MFF: variants seen among roughly 807,000 people sequenced by gnomAD.
MFF encodes the protein chromosome 2 open reading frame 33.
Under a neutral mutation model 36.9 loss-of-function variants are expected in MFF, and 12 were observed. The ratio of observed to expected loss-of-function variants is 0.33; its 90% CI spans 0.21 to 0.53. MFF has a LOEUF of 0.53. MFF is among the 20% of genes least tolerant of loss of function. The pLI is 0.95. For missense variants in MFF, 348 were observed against 366.6 expected (o/e 0.95, Z 0.42); for synonymous variants, 99 against 126.2 (o/e 0.78, Z 1.44).
intron 2 of MFF, 77 bp from the exon 3 acceptor site, chr2:227,330,549 A>G (rs1162401157): frequency 6.5e-6 from 6 of 926,364 alleles, no homozygotes; most frequent in Non-Finnish European, 9.6e-6. Flanking sequence ...TCTATAAGGT[A>G]TTGTCTTCTA....
intron 5 of MFF, among the ~76,000 whole-genome samples, chr2:227,345,344 T>A (rs1034149318): frequency 6.6e-6 from 1 of 152,248 alleles, no homozygotes; most frequent in African/African-American, 2.4e-5. Context: ...AAGATTATAA[T>A]TCTAAATATT....
At chr2:227,328,356 C>T (rs1378041995) in intron 1 of MFF, among the ~76,000 whole-genome samples, 2 of 147,240 alleles carry the variant, frequency 1.4e-5, no homozygotes, top group East Asian at 2.0e-4. Context: ...TATATGTGTA[C>T]CTATATGCAT....
At chr2:227,343,190 C>T (rs530598296) in intron 5 of MFF, among the ~76,000 whole-genome samples, 26 of 151,382 alleles carry the variant, frequency 1.7e-4, no homozygotes, top group Non-Finnish European at 3.2e-4. Context: ...TTAATTTCAG[C>T]GCACTGTCTT....
intron 4 of MFF, among the ~76,000 whole-genome samples, chr2:227,334,143 C>G (rs531595341): frequency 7.2e-5 from 11 of 152,248 alleles, no homozygotes; most frequent in African/African-American, 2.6e-4. Context: ...GGGCGTATCT[C>G]TGAAATAAAG....
At chr2:227,345,429 A>G (rs1171978211) in intron 5 of MFF, among the ~76,000 whole-genome samples, 2 of 152,252 alleles carry the variant, frequency 1.3e-5, no homozygotes, top group Non-Finnish European at 2.9e-5. Context: ...AAAGTGTTCA[A>G]TTTAAACCCC....
chr2:227,353,855 C>A (rs561722907), intron 7 of MFF, among the ~76,000 whole-genome samples: 2 of 152,194 alleles, frequency 1.3e-5, no homozygotes, highest in East Asian at 3.9e-4. Flanking sequence ...AGTTCAGATC[C>A]CTTTAACAAT....
At chr2:227,336,636 C>T (rs928972164) in intron 4 of MFF, among the ~76,000 whole-genome samples, 3 of 152,170 alleles carry the variant, frequency 2.0e-5, no homozygotes, top group Non-Finnish European at 2.9e-5. Context: ...AATTCTACAG[C>T]AGTTATATCC....
intron 1 of MFF, among the ~76,000 whole-genome samples, chr2:227,328,070 G>A (rs549856198): frequency 1.1e-4 from 17 of 152,242 alleles, no homozygotes; most frequent in African/African-American, 3.1e-4. Context: ...AACATCGTAA[G>A]TGAATGAAAA....
intron 5 of MFF, among the ~76,000 whole-genome samples, chr2:227,343,146 G>A (rs779354833): frequency 6.6e-6 from 1 of 151,620 alleles, no homozygotes; most frequent in Admixed American, 6.6e-5. Context: ...CAGATTCAAC[G>A]TCACCTGGTG....
chr2:227,341,904 A>G (rs886985341), intron 5 of MFF, among the ~76,000 whole-genome samples: 2 of 152,012 alleles, frequency 1.3e-5, no homozygotes, highest in East Asian at 3.8e-4. Context: ...TTTTCTCCCG[A>G]AGTATATATT....
intron 4 of MFF, among the ~76,000 whole-genome samples, chr2:227,339,165 G>A (rs933610899): frequency 1.3e-5 from 2 of 149,632 alleles, no homozygotes; most frequent in Non-Finnish European, 3.0e-5. Flanking sequence ...GCATGCCACT[G>A]CACTCCAGCC....
At chr2:227,328,295 C>CAAAAAAAA (rs869086091) in intron 1 of MFF, among the ~76,000 whole-genome samples, 2 of 72,644 alleles carry the variant, frequency 2.8e-5, no homozygotes, top group Non-Finnish European at 2.9e-5. Flanking sequence ...GCCCGGGTGA[C>CAAAAAAAA]AAAAAAAAAA....
chr2:227,349,110 C>T (rs2075858975), intron 6 of MFF, among the ~76,000 whole-genome samples: 1 of 151,950 alleles, frequency 6.6e-6, no homozygotes, highest in African/African-American at 2.4e-5. Flanking sequence ...ATTTCCAAAT[C>T]TTGTATAAAA....
chr2:227,344,395 A>C (rs961497633), intron 5 of MFF, among the ~76,000 whole-genome samples: 3 of 152,204 alleles, frequency 2.0e-5, no homozygotes, highest in African/African-American at 4.8e-5. Context: ...ACAGGAAGTC[A>C]TTAAACCTTG....
chr2:227,340,416 A>G, intron 5 of MFF, 36 bp downstream of exon 5: 1 of 1,442,090 alleles, frequency 6.9e-7, no homozygotes. Context: ...CTCGTTTGTA[A>G]GTTTTCTCAG....
At chr2:227,325,850 A>G (rs2074066736) in intron 1 of MFF, among the ~76,000 whole-genome samples, 1 of 152,078 alleles carries the variant, frequency 6.6e-6, no homozygotes, top group Non-Finnish European at 1.5e-5. Flanking sequence ...CTGACCTTAA[A>G]CCTGCCTTGT....
chr2:227,353,602 A>G (rs1023097471), intron 7 of MFF, among the ~76,000 whole-genome samples: 1 of 152,180 alleles, frequency 6.6e-6, no homozygotes, highest in Non-Finnish European at 1.5e-5. Context: ...TCTTTCTGTC[A>G]GAGTATTTTC....
At chr2:227,326,698 T>G (rs930844769) in intron 1 of MFF, among the ~76,000 whole-genome samples, 9 of 152,234 alleles carry the variant, frequency 5.9e-5, no homozygotes, top group Admixed American at 3.9e-4. Context: ...AAATATAGTT[T>G]CTTTGAAAAA....
At chr2:227,355,882 T>C (rs1029548554) in intron 8 of MFF, 121 bp downstream of exon 8, 10 of 620,372 alleles carry the variant, frequency 1.6e-5, no homozygotes, top group South Asian at 6.6e-5. Context: ...TAAGCCATCA[T>C]TGATTTTCTC....
Sources: allele counts gnomAD v4.1 joint callset (sites outside exome capture counted in the v4.1 genomes callset), GRCh38; gene constraint gnomAD v4.1.1; transcripts MANE v1.5; gene names NCBI Gene and HGNC (gene_info 2026-07-23, HGNC 2026-07-21).